GLS: variants seen among roughly 807,000 people sequenced by gnomAD.
The protein encoded by GLS is glutaminase.
A neutral mutation model predicts 86.7 loss-of-function variants in GLS; 36 were observed. That is an observed-to-expected ratio of 0.42 (90% CI 0.32 to 0.55). The LOEUF is 0.55. GLS is among the 20% of genes least tolerant of loss of function. The probability of loss-of-function intolerance (pLI) is 0.17; values close to 1 mark genes in which losing one functional copy is unlikely to be tolerated. For synonymous variants in GLS, 317 were observed against 305.9 expected (o/e 1.04, Z -0.38); for missense variants, 528 against 833.4 (o/e 0.63, Z 4.51).
At chr2:190,892,484 C>T (rs1355963941) in intron 1 of GLS, among the ~76,000 whole-genome samples, 1 of 152,158 alleles carries the variant, frequency 6.6e-6, no homozygotes, top group Non-Finnish European at 1.5e-5. Context: ...GTCATTAAAA[C>T]TTAAATACTT....
At chr2:190,886,935 A>T (rs1434385443) in intron 1 of GLS, among the ~76,000 whole-genome samples, 1 of 150,126 alleles carries the variant, frequency 6.7e-6, no homozygotes, top group African/African-American at 2.4e-5. Flanking sequence ...AAAAAAAAAG[A>T]AAGTAATAGT....
chr2:190,950,970 G>C (rs1397615315), intron 14 of GLS, among the ~76,000 whole-genome samples: 7 of 152,234 alleles, frequency 4.6e-5, no homozygotes, highest in African/African-American at 1.7e-4. Context: ...AAGCCGGCAG[G>C]ACTGTTGCTG....
chr2:190,911,427 T>C (rs1248488191), intron 7 of GLS, among the ~76,000 whole-genome samples: 1 of 152,166 alleles, frequency 6.6e-6, no homozygotes, highest in Non-Finnish European at 1.5e-5. Context: ...TATTGGCCCA[T>C]TTAATTCTTA....
intron 14 of GLS, among the ~76,000 whole-genome samples, chr2:190,937,543 T>C (rs1347398637): frequency 6.6e-6 from 1 of 151,444 alleles, no homozygotes; most frequent in Non-Finnish European, 1.5e-5. Context: ...TTATAAATGC[T>C]TATTTAACAA....
At chr2:190,894,952 TTTTTTTTCTACTTG>T (rs1199028203) in intron 1 of GLS, among the ~76,000 whole-genome samples, 186 bp from the exon 2 acceptor site, 1 of 54,200 alleles carries the variant, frequency 1.8e-5, no homozygotes, top group East Asian at 2.7e-4. Context: ...GTGTTAATGA[TTTTTTTTCTACTTG>T]TTTTTCAGTG....
chr2:190,942,197 AGCCTCCCGAGTAGC>A (rs1690457772), intron 14 of GLS, among the ~76,000 whole-genome samples: 1 of 146,116 alleles, frequency 6.8e-6, no homozygotes, highest in Admixed American at 7.3e-5. Context: ...CTCCTGCCTC[AGCCTCCCGAGTAGC>A]TGGGATTACA....
Position 190,956,760 on chromosome 2 carries a change from G to T in GLS, c.1853+1942G>T, listed in dbSNP as rs189143159. 4.6e-5 allele frequency among the ~76,000 whole-genome samples: 7 copies of T among 152,196 alleles called. No individual in the cohort carries two copies. In the East Asian group the frequency reaches 1.3e-3, roughly 29 times the overall value. Reference sequence around the variant, plus strand: ...GCATGGAATGTTTTTCCATTTGTTTGTGTCCTCTCTTTATTTCCTTCAGCA... The same window carrying T: ...GCATGGAATGTTTTTCCATTTGTTTTTGTCCTCTCTTTATTTCCTTCAGCA... On this transcript the variant is annotated intron_variant, in intron 17 of 17. Coordinates refer to ENST00000320717, the MANE Select transcript of GLS (RefSeq NM_014905.5). This position sits in a 1 kb window ranked among gnomAD's most constrained non-coding sequence, Gnocchi z 4.2.
rs916045408 is a variant in GLS, at chr2:190,924,190, T to C, written c.1197+207T>C. ...TTTGTATCTGGCAGCATTTAAATAT[T>C]TGACTCATATTATTTATTAATACAA... is the stretch of plus-strand genomic sequence containing the variant. On this transcript the variant is annotated intron_variant, in intron 10 of 17. Transcript: ENST00000320717. The surrounding 1 kb of genome is among the most constrained non-coding windows in gnomAD (Gnocchi z 5.2). Among the ~76,000 whole-genome samples, 1 of 152,182 alleles carries C rather than the reference T, an allele frequency of 6.6e-6. No individual in the cohort carries two copies. Among genetic ancestry groups the C allele is most frequent in the African/African-American group, 2.4e-5 (1 of 41,458 alleles).
chr2:190,955,495 A>G lies in GLS; in HGVS notation c.1853+677A>G, dbSNP rs184403646. On this transcript the variant is annotated intron_variant, in intron 17 of 17. Transcript: ENST00000320717. This position sits in a 1 kb window ranked among gnomAD's most constrained non-coding sequence, Gnocchi z 5.6. ...ATGATTGCATAGTATTCCATGGTGT[A>G]TATGTGCCACATTTTCTTTATCCAG... 3.3e-3 allele frequency among the ~76,000 whole-genome samples: 497 copies of G among 152,318 alleles called. 4 individuals carry two copies. The highest frequency in any genetic ancestry group is 0.011 in the African/African-American group (470 of 41,558).
Position 190,962,719 on chromosome 2 carries a change from A to C in GLS, c.1854-111A>C. On this transcript the variant is annotated intron_variant, in intron 17 of 17. Transcript: ENST00000320717. The surrounding 1 kb of genome is among the most constrained non-coding windows in gnomAD (Gnocchi z 4.2). ...TTAATTTTTATTTGTAAAATTGCTAAAATAGCTAAATTTGGCCATTTAACC... is the reference window on the plus strand; with the variant it reads ...TTAATTTTTATTTGTAAAATTGCTACAATAGCTAAATTTGGCCATTTAACC... 3 of 564,766 alleles carry C rather than the reference A, an allele frequency of 5.3e-6. No homozygotes were observed. The allele number at this position is 564,766 out of a possible 1,614,324, so 35.0% of individuals were successfully genotyped here.
At position 190,881,264 on chromosome 2, in the gene GLS, G is replaced by A. The variant is rs1688155844; in HGVS notation, c.180G>A (p.Gly60=). The A allele has an allele frequency of 7.0e-6, 9 of 1,291,994 alleles. No individual in the cohort carries two copies. Among genetic ancestry groups the A allele is most frequent in the Non-Finnish European group, 8.8e-6 (9 of 1,019,796 alleles). The allele number at this position is 1,291,994 out of a possible 1,614,324, so 80.0% of individuals were successfully genotyped here. ...CGCGACTCCACCCGTGGTGGGGCGG[G>A]GGCGGCTGGCCGGCGGAGCCCCTCG... ...AAARLHPWWG[G]GGWPAEPLAR... Residue 60 remains glycine (G), a synonymous_variant, in exon 1 of 18, where the codon GGG becomes GGA. Transcript: ENST00000320717.
At chr2:190,893,667 C>A (rs1404116406) in intron 1 of GLS, among the ~76,000 whole-genome samples, 2 of 152,140 alleles carry the variant, frequency 1.3e-5, no homozygotes, top group Non-Finnish European at 2.9e-5. Flanking sequence ...CTCACTGCAA[C>A]CTCCACCTCC....
chr2:190,945,073 G>GT, intron 14 of GLS, among the ~76,000 whole-genome samples: 1 of 150,324 alleles, frequency 6.7e-6, no homozygotes, highest in East Asian at 2.0e-4. Flanking sequence ...CCAGTAGATA[G>GT]TAGTTGCAAG....
intron 14 of GLS, among the ~76,000 whole-genome samples, chr2:190,941,050 C>G (rs930513896): frequency 1.3e-5 from 2 of 152,054 alleles, no homozygotes; most frequent in African/African-American, 4.8e-5. Flanking sequence ...TAGCATTATT[C>G]CTGTGCTTTA....
In GLS at chr2:190,962,720, A is replaced by G. The variant is rs569272928; in HGVS notation, c.1854-110A>G. On this transcript the variant is annotated intron_variant, in intron 17 of 17. Coordinates refer to ENST00000320717, the MANE Select transcript of GLS (RefSeq NM_014905.5). This position sits in a 1 kb window ranked among gnomAD's most constrained non-coding sequence, Gnocchi z 4.2. ...TAATTTTTATTTGTAAAATTGCTAA[A>G]ATAGCTAAATTTGGCCATTTAACCT... 2.2e-4 allele frequency: 123 copies of G among 569,404 alleles called. No individual in the cohort carries two copies. The highest frequency in any genetic ancestry group is 1.5e-3 in the Admixed American group (43 of 28,482). The allele number at this position is 569,404 out of a possible 1,614,324, so 35.3% of individuals were successfully genotyped here.
intron 12 of GLS, among the ~76,000 whole-genome samples, chr2:190,928,314 G>A (rs1002331845): frequency 2.0e-5 from 3 of 150,952 alleles, no homozygotes; most frequent in African/African-American, 7.3e-5. Flanking sequence ...AGATTTCCTG[G>A]ATTATCTTGT....
chr2:190,895,782 CT>C lies in GLS; in HGVS notation c.605+61del. The C allele has an allele frequency of 1.4e-6, 2 of 1,419,382 alleles. No homozygotes were observed. Among genetic ancestry groups the C allele is most frequent in the South Asian group, 1.5e-5 (1 of 67,542 alleles). 87.9% of individuals were successfully genotyped at this position (1,419,382 alleles called of 1,614,324 possible). A position where few individuals can be genotyped will look rare whatever the true frequency, so the allele number is the denominator to read the frequency against. On this transcript the variant is annotated intron_variant, in intron 3 of 17. Coordinates refer to ENST00000320717, the MANE Select transcript of GLS (RefSeq NM_014905.5). The surrounding 1 kb of genome is among the most constrained non-coding windows in gnomAD (Gnocchi z 4.2). The stretch of plus-strand genomic sequence containing the variant: ...TTTGCTATGCTATACGGTGATTCTG[CT>C]TTTAAAACAAAATTGCATCTTTGAA...
intron 1 of GLS, among the ~76,000 whole-genome samples, chr2:190,884,549 T>C (rs903267694): frequency 1.3e-5 from 2 of 152,254 alleles, no homozygotes; most frequent in Admixed American, 1.3e-4. Flanking sequence ...CATACTTTTC[T>C]CTGTTAAGCT....
intron 12 of GLS, among the ~76,000 whole-genome samples, chr2:190,929,605 G>C (rs1690033086): frequency 6.6e-6 from 1 of 151,636 alleles, no homozygotes; most frequent in South Asian, 2.1e-4. Context: ...GAGTAGCTGG[G>C]ATTACAGGTG....
Sources: gnomAD v4.1 joint callset for allele counts (sites outside exome capture counted in the v4.1 genomes callset) on GRCh38, gnomAD v4.1.1 for gene constraint, Gnocchi (gnomAD v3.1) non-coding constraint, MANE v1.5 for transcripts, NCBI Gene and HGNC (gene_info 2026-07-23, HGNC 2026-07-21) for gene names.